Variants in TMEM232 observed in about 807,000 individuals in gnomAD.
The protein encoded by TMEM232 is transmembrane protein 232.
A neutral mutation model predicts 78.8 loss-of-function variants in TMEM232; 80 were observed. The ratio of observed to expected loss-of-function variants is 1.01; its 90% CI spans 0.85 to 1.22. TMEM232 has a LOEUF of 1.22. TMEM232 is among the 50% of genes most tolerant of loss of function. The pLI is 0.00. For synonymous variants in TMEM232, 297 were observed against 254.3 expected, an observed-to-expected ratio of 1.17 and a Z score of -1.60; for missense variants, 881 against 742.2, an observed-to-expected ratio of 1.19 and a Z score of -2.17.
At chr5:110,694,300 G>A (rs1794499478) in intron 1 of TMEM232, among the ~76,000 whole-genome samples, 1 of 152,136 alleles carries the variant, frequency 6.6e-6, no homozygotes. Flanking sequence ...AGCTCCTGAA[G>A]GAAGCACTCA....
chr5:110,497,280 TG>T (rs1288223404), intron 12 of TMEM232, among the ~76,000 whole-genome samples: 1 of 152,066 alleles, frequency 6.6e-6, no homozygotes, highest in Admixed American at 6.6e-5. Flanking sequence ...CATGATAAAA[TG>T]TTTTCTAATC....
intron 12 of TMEM232, among the ~76,000 whole-genome samples, chr5:110,442,990 A>T (rs1433520051): frequency 6.6e-6 from 1 of 152,004 alleles, no homozygotes; most frequent in African/African-American, 2.4e-5. Context: ...TAATATAGGC[A>T]CCCTTGTGTT....
chr5:110,500,505 TATG>T (rs1766146979), intron 12 of TMEM232, among the ~76,000 whole-genome samples: 1 of 152,010 alleles, frequency 6.6e-6, no homozygotes, highest in African/African-American at 2.4e-5. Flanking sequence ...TTTACTGAGT[TATG>T]ATAAAAATAC....
At chr5:110,663,439 ATAGTT>A (rs1790078506) in intron 2 of TMEM232, among the ~76,000 whole-genome samples, 1 of 152,090 alleles carries the variant, frequency 6.6e-6, no homozygotes, top group African/African-American at 2.4e-5. Context: ...ATTTAGTAGC[ATAGTT>A]ATTAGGGAAT....
chr5:110,555,242 T>C (rs139023117), intron 11 of TMEM232, among the ~76,000 whole-genome samples: 1 of 152,312 alleles, frequency 6.6e-6, no homozygotes, highest in African/African-American at 2.4e-5. Context: ...GAAAAATTTA[T>C]TGATATCTGC....
intron 10 of TMEM232, among the ~76,000 whole-genome samples, chr5:110,569,508 G>T (rs964810123): frequency 5.9e-5 from 9 of 151,784 alleles, no homozygotes; most frequent in Non-Finnish European, 1.3e-4. Flanking sequence ...CAGATAAGAA[G>T]AATAAGAAGA....
In TMEM232 at chr5:110,503,011, T is replaced by C. The variant is rs545058118; in HGVS notation, c.1703+25577A>G. Among the ~76,000 whole-genome samples, 109 of 152,356 alleles carry C rather than the reference T, an allele frequency of 7.2e-4. 1 individual carries two copies. Among genetic ancestry groups the C allele is most frequent in the African/African-American group, 2.5e-3 (104 of 41,590 alleles). On this transcript the variant is annotated intron_variant, in intron 12 of 13. Coordinates refer to ENST00000455884, the MANE Select transcript of TMEM232 (RefSeq NM_001039763.4). ...TTTATCTGTTACCTTTTTTAGGTTA[T>C]AAGCTATGTAAAGTTGGGGAGCATA...
At chr5:110,543,969 C>T (rs1773474723) in intron 11 of TMEM232, among the ~76,000 whole-genome samples, 1 of 152,096 alleles carries the variant, frequency 6.6e-6, no homozygotes, top group Non-Finnish European at 1.5e-5. Flanking sequence ...TTTGTCTATA[C>T]TTCTTGAGAG....
At chr5:110,526,025 CA>C (rs758110596) in intron 12 of TMEM232, among the ~76,000 whole-genome samples, 598 of 47,788 alleles carry the variant, frequency 0.013, 2 homozygotes, top group African/African-American at 0.036. Flanking sequence ...CACCATACAC[CA>C]AAAAAAAAAA....
chr5:110,564,401 C>A (rs1776095164), intron 11 of TMEM232, among the ~76,000 whole-genome samples: 1 of 151,784 alleles, frequency 6.6e-6, no homozygotes, highest in African/African-American at 2.4e-5. Flanking sequence ...AAATGGCTTT[C>A]TTTGAATATG....
intron 2 of TMEM232, among the ~76,000 whole-genome samples, chr5:110,657,164 T>C (rs1326582579): frequency 6.6e-6 from 1 of 152,192 alleles, no homozygotes; most frequent in Non-Finnish European, 1.5e-5. Context: ...TGTACGTTAG[T>C]ACAGCCATAA....
At chr5:110,475,808 G>A (rs1339850549) in intron 12 of TMEM232, among the ~76,000 whole-genome samples, 1 of 151,810 alleles carries the variant, frequency 6.6e-6, no homozygotes, top group African/African-American at 2.4e-5. Context: ...CCAGGGTCTG[G>A]GGAAAGAACC....
intron 3 of TMEM232, among the ~76,000 whole-genome samples, chr5:110,392,176 C>T (rs1046625675): frequency 6.6e-6 from 1 of 152,168 alleles, no homozygotes; most frequent in Non-Finnish European, 1.5e-5. Context: ...GGGTTGCTAA[C>T]AATTTTGTCA....
At chr5:110,660,337 G>C (rs1391577701) in intron 2 of TMEM232, among the ~76,000 whole-genome samples, 1 of 151,986 alleles carries the variant, frequency 6.6e-6, no homozygotes, top group Non-Finnish European at 1.5e-5. Flanking sequence ...TTTATGTTCA[G>C]TTTTAAACAT....
chr5:110,721,916 T>A (rs1797686249), intron 1 of TMEM232, among the ~76,000 whole-genome samples: 1 of 151,776 alleles, frequency 6.6e-6, no homozygotes, highest in African/African-American at 2.4e-5. Context: ...CATGCATTTA[T>A]GTTGCCTAGC....
intron 10 of TMEM232, among the ~76,000 whole-genome samples, chr5:110,593,931 G>A (rs925551977): frequency 6.6e-6 from 1 of 151,932 alleles, no homozygotes; most frequent in African/African-American, 2.4e-5. Flanking sequence ...CCACATACCT[G>A]ATAAATATAT....
At chr5:110,499,217 T>C (rs1765942361) in intron 12 of TMEM232, among the ~76,000 whole-genome samples, 1 of 152,128 alleles carries the variant, frequency 6.6e-6, no homozygotes, top group African/African-American at 2.4e-5. Flanking sequence ...TCAATCATAG[T>C]AAATTTTACA....
chr5:110,483,707 A>C (rs1764158218), intron 12 of TMEM232, among the ~76,000 whole-genome samples: 1 of 152,100 alleles, frequency 6.6e-6, no homozygotes, highest in African/African-American at 2.4e-5. Context: ...TATGTAACTA[A>C]CCTGCACGTT....
At chr5:110,684,791 T>C (rs918938417) in intron 1 of TMEM232, 8 of 152,136 alleles carry the variant, frequency 5.3e-5, no homozygotes, top group Non-Finnish European at 7.4e-5. Flanking sequence ...TCTCTTGTTT[T>C]TTCTATGTCC....
Sources: allele counts gnomAD v4.1 joint callset (sites outside exome capture counted in the v4.1 genomes callset), GRCh38; gene constraint gnomAD v4.1.1; transcripts MANE v1.5; gene names NCBI Gene and HGNC (gene_info 2026-07-23, HGNC 2026-07-21).